SH3RF3: variants seen among roughly 807,000 people sequenced by gnomAD.
The protein encoded by SH3RF3 is E3 ubiquitin-protein ligase SH3RF3.
Under a neutral mutation model 66.3 loss-of-function variants are expected in SH3RF3, and 29 were observed. That is an observed-to-expected ratio of 0.44 (90% CI 0.33 to 0.60). The LOEUF (loss-of-function observed/expected upper bound fraction) is 0.60, where lower values mean the gene tolerates loss of function less well. SH3RF3 is among the 20% of genes least tolerant of loss of function. SH3RF3 has a pLI of 0.04. For missense variants in SH3RF3, 1,194 were observed against 1,190.9 expected, an observed-to-expected ratio of 1.00 and a Z score of -0.04; for synonymous variants, 583 against 532.0, an observed-to-expected ratio of 1.10 and a Z score of -1.32.
intron 1 of SH3RF3, among the ~76,000 whole-genome samples, chr2:109,312,107 T>C (rs1410563799): frequency 6.6e-6 from 1 of 152,230 alleles, no homozygotes; most frequent in East Asian, 1.9e-4. Context: ...TTAGCATTGT[T>C]AGTTCAAAAG....
intron 8 of SH3RF3, among the ~76,000 whole-genome samples, chr2:109,465,782 A>G (rs1027794338): frequency 6.6e-6 from 1 of 152,160 alleles, no homozygotes; most frequent in Non-Finnish European, 1.5e-5. Flanking sequence ...AGCAGGAGCA[A>G]GAGGGGAGGG....
Position 109,412,058 on chromosome 2 carries a change from G to A in SH3RF3, c.1300-7481G>A, listed in dbSNP as rs536203154. 1.1e-4 allele frequency among the ~76,000 whole-genome samples: 17 copies of A among 152,310 alleles called. No homozygotes were observed. In the East Asian group the frequency reaches 2.7e-3, roughly 24 times the overall value. On this transcript the variant is annotated intron_variant, in intron 4 of 9. Transcript: ENST00000309415. ...AGGTTCCTTGGCTGAGCCCTCCCGA[G>A]CCTCCTGACACCGAGCCCTGTGGGT...
intron 1 of SH3RF3, among the ~76,000 whole-genome samples, chr2:109,150,926 A>G (rs1425848913): frequency 2.0e-5 from 3 of 152,248 alleles, no homozygotes; most frequent in Non-Finnish European, 4.4e-5. Flanking sequence ...AGAGCATTCA[A>G]ATAAAGAAGC....
intron 1 of SH3RF3, among the ~76,000 whole-genome samples, chr2:109,338,177 T>C (rs1478966137): frequency 2.6e-5 from 4 of 152,238 alleles, no homozygotes; most frequent in Non-Finnish European, 5.9e-5. Flanking sequence ...GTACTTACAG[T>C]GTGCCAGGCA....
rs192582568 is a variant in SH3RF3, at chr2:109,450,212, G to A, written c.2148+723G>A. Among the ~76,000 whole-genome samples, 75 of 152,304 alleles carry A rather than the reference G, an allele frequency of 4.9e-4. No individual in the cohort carries two copies. In the East Asian group the frequency reaches 0.014, roughly 28 times the overall value. ...AATACAAAAATTAGCCAGGCATGGT[G>A]GCGTGCGCCTGTAATCCCAGCTACC... On this transcript the variant is annotated intron_variant, in intron 8 of 9. Coordinates refer to ENST00000309415, the MANE Select transcript of SH3RF3 (RefSeq NM_001099289.3).
chr2:109,278,868 C>T (rs1246718372), intron 1 of SH3RF3, among the ~76,000 whole-genome samples: 1 of 152,300 alleles, frequency 6.6e-6, no homozygotes, highest in East Asian at 1.9e-4. Context: ...GGGACGTGCA[C>T]TCTGCAGAAG....
In SH3RF3 at chr2:109,158,798, T is replaced by C. The variant is rs1035005136; in HGVS notation, c.573+28685T>C. Among the ~76,000 whole-genome samples the C allele has an allele frequency of 3.3e-5, 5 of 152,234 alleles. No individual in the cohort carries two copies. In the East Asian group the frequency reaches 9.6e-4, roughly 29 times the overall value. On this transcript the variant is annotated intron_variant, in intron 1 of 9. Coordinates refer to ENST00000309415, the MANE Select transcript of SH3RF3 (RefSeq NM_001099289.3). ...AGTAGCAATGGCTGATTCCCGAGTG[T>C]GCACTCTGGACCAGCCCTGGTCTAC... is the stretch of plus-strand genomic sequence containing the variant.
chr2:109,211,470 T>A (rs1678974897), intron 1 of SH3RF3, among the ~76,000 whole-genome samples: 1 of 152,112 alleles, frequency 6.6e-6, no homozygotes. Context: ...CTGAGAAGAA[T>A]GCAGATGGGC....
rs749227501 is a variant in SH3RF3, at chr2:109,129,212, C to T, written c.-329C>T. The T allele has an allele frequency of 1.9e-6, 1 of 524,182 alleles. No homozygotes were observed. The highest frequency in any genetic ancestry group is 1.7e-5 in the South Asian group (1 of 58,966). The allele number at this position is 524,182 out of a possible 1,614,324, so 32.5% of individuals were successfully genotyped here. The stretch of plus-strand genomic sequence containing the variant: ...CGAGCCGCCGCTTGCAGCACAGAAC[C>T]CGTTGAGCTTCGTGCCCGGCAGCAC... On this transcript the variant is annotated 5_prime_UTR_variant, in exon 1 of 10. Transcript: ENST00000309415.
intron 1 of SH3RF3, among the ~76,000 whole-genome samples, chr2:109,142,380 C>T (rs190830616): frequency 6.6e-6 from 1 of 152,306 alleles, no homozygotes; most frequent in East Asian, 1.9e-4. Flanking sequence ...TTTAATAGGA[C>T]CCCAAAGCAC....
intron 1 of SH3RF3, among the ~76,000 whole-genome samples, chr2:109,144,517 G>C (rs189128896): frequency 1.7e-4 from 26 of 152,340 alleles, no homozygotes; most frequent in Non-Finnish European, 3.4e-4. Context: ...TTGTATGAGG[G>C]AAGAGTTTGA....
intron 8 of SH3RF3, among the ~76,000 whole-genome samples, chr2:109,489,788 A>G (rs1458685615): frequency 6.6e-6 from 1 of 151,906 alleles, no homozygotes. Flanking sequence ...CCCAGGCTGG[A>G]GTGCAGTGGC....
intron 8 of SH3RF3, among the ~76,000 whole-genome samples, chr2:109,480,497 A>G (rs1388422494): frequency 6.6e-6 from 1 of 152,106 alleles, no homozygotes; most frequent in Non-Finnish European, 1.5e-5. Context: ...GAGGGTGCCA[A>G]GGTCATAGGG....
At chr2:109,182,942 A>C (rs1194334141) in intron 1 of SH3RF3, among the ~76,000 whole-genome samples, 1 of 152,146 alleles carries the variant, frequency 6.6e-6, no homozygotes, top group Non-Finnish European at 1.5e-5. Context: ...TGAATCTTTG[A>C]CATTGGTGTC....
chr2:109,301,790 A>C (rs1261923625), intron 1 of SH3RF3, among the ~76,000 whole-genome samples: 1 of 152,190 alleles, frequency 6.6e-6, no homozygotes, highest in African/African-American at 2.4e-5. Context: ...TGGGTTGCCC[A>C]CAGGTACCAT....
intron 1 of SH3RF3, among the ~76,000 whole-genome samples, chr2:109,219,576 C>G (rs1454789603): frequency 6.6e-6 from 1 of 152,060 alleles, no homozygotes; most frequent in African/African-American, 2.4e-5. Flanking sequence ...TCAGAGTTTT[C>G]AGAGCTAGTA....
At chr2:109,293,917 T>G (rs1253547989) in intron 1 of SH3RF3, among the ~76,000 whole-genome samples, 1 of 152,200 alleles carries the variant, frequency 6.6e-6, no homozygotes, top group African/African-American at 2.4e-5. Flanking sequence ...GCCCTGACTC[T>G]TTACCAATGG....
intron 4 of SH3RF3, among the ~76,000 whole-genome samples, chr2:109,406,636 C>T (rs377309696): frequency 1.3e-5 from 2 of 152,096 alleles, no homozygotes; most frequent in Admixed American, 1.3e-4. Context: ...GTATATCATC[C>T]GCAGCTGTTT....
chr2:109,369,604 G>C (rs1162441638), intron 2 of SH3RF3, among the ~76,000 whole-genome samples: 1 of 152,154 alleles, frequency 6.6e-6, no homozygotes, highest in Non-Finnish European at 1.5e-5. Context: ...AAAGTGAGGG[G>C]TGTGATTGCC....
Sources: gnomAD v4.1 joint callset for allele counts (sites outside exome capture counted in the v4.1 genomes callset) on GRCh38, gnomAD v4.1.1 for gene constraint, MANE v1.5 for transcripts, NCBI Gene and HGNC (gene_info 2026-07-23, HGNC 2026-07-21) for gene names.